Variants in UMAD1 observed in about 807,000 individuals in gnomAD.
UMAD1 encodes UBAP1-MVB12-associated (UMA)-domain containing protein 1.
In UMAD1, 8 loss-of-function variants were observed where a neutral mutation model predicts 6.1. That is an observed-to-expected ratio of 1.30 (90% CI 0.76 to 2.35). The LOEUF is 2.35. Ranked by LOEUF, UMAD1 falls within the 30% of genes most tolerant of loss-of-function variation. The pLI, the probability that UMAD1 is intolerant of heterozygous loss-of-function variation, is 0.00. For synonymous variants in UMAD1, 56 were observed against 31.4 expected, an observed-to-expected ratio of 1.78 and a Z score of -2.61; for missense variants, 130 against 78.4, an observed-to-expected ratio of 1.66 and a Z score of -2.49.
intron 2 of UMAD1, among the ~76,000 whole-genome samples, chr7:7,759,535 T>A (rs1435453904): frequency 6.6e-6 from 1 of 152,212 alleles, no homozygotes; most frequent in Non-Finnish European, 1.5e-5. Context: ...TGCCTTTCTC[T>A]CTTTTTTGCT....
intron 2 of UMAD1, among the ~76,000 whole-genome samples, chr7:7,762,915 G>T (rs556586966): frequency 6.6e-6 from 1 of 152,192 alleles, no homozygotes. Context: ...ATTTTAGCAG[G>T]TTTGATTGTT....
At chr7:7,717,074 T>TTTTTA (rs1780931849) in intron 2 of UMAD1, among the ~76,000 whole-genome samples, 1 of 151,000 alleles carries the variant, frequency 6.6e-6, no homozygotes, top group Admixed American at 6.6e-5. Flanking sequence ...TTTTTTTTTT[T>TTTTTA]GAGACGGAGT....
chr7:7,671,043 A>AAC (rs1255998720), intron 1 of UMAD1, among the ~76,000 whole-genome samples: 2 of 152,314 alleles, frequency 1.3e-5, no homozygotes, highest in African/African-American at 4.8e-5. Context: ...TTGGGGGCTG[A>AAC]ACAGTTTTCT....
intron 1 of UMAD1, among the ~76,000 whole-genome samples, chr7:7,667,512 T>C (rs1779495539): frequency 6.6e-6 from 1 of 152,162 alleles, no homozygotes; most frequent in African/African-American, 2.4e-5. Flanking sequence ...TGGGCAGAGG[T>C]TGCAGTTTTT....
intron 3 of UMAD1, among the ~76,000 whole-genome samples, chr7:7,835,767 TC>T (rs1783557809): frequency 2.0e-5 from 3 of 152,010 alleles, no homozygotes; most frequent in Admixed American, 6.6e-5. Flanking sequence ...ACATCAGTTA[TC>T]TTATTTTAGG....
chr7:7,840,655 C>A (rs1353458503), intron 3 of UMAD1, among the ~76,000 whole-genome samples: 1 of 152,032 alleles, frequency 6.6e-6, no homozygotes, highest in Non-Finnish European at 1.5e-5. Context: ...AATGGTAGCT[C>A]TTTTTATTTT....
chr7:7,772,103 A>T (rs916570651), intron 2 of UMAD1, among the ~76,000 whole-genome samples: 1 of 152,186 alleles, frequency 6.6e-6, no homozygotes, highest in African/African-American at 2.4e-5. Context: ...TGAGCATTGT[A>T]AATTAACTGG....
At chr7:7,872,800 A>T (rs1784355135) in intron 3 of UMAD1, among the ~76,000 whole-genome samples, 1 of 152,250 alleles carries the variant, frequency 6.6e-6, no homozygotes. Context: ...TGATTTCGCT[A>T]ATGAAACTCT....
intron 2 of UMAD1, among the ~76,000 whole-genome samples, chr7:7,713,886 A>G (rs902766872): frequency 6.6e-6 from 1 of 152,150 alleles, no homozygotes; most frequent in Non-Finnish European, 1.5e-5. Flanking sequence ...GCTGGAGTGC[A>G]GTGGTGTGAC....
At position 7,877,507 on chromosome 7, in the gene UMAD1, C is replaced by G; in HGVS notation, c.383C>G (p.Thr128Ser). ...ENLSRFWYDF[T>S]LENSVLCDS is the part of the protein sequence containing the mutation. The stretch of plus-strand genomic sequence containing the variant: ...TTATCACGGTTTTGGTATGATTTCA[C>G]TCTTGAAAATTCAGTGCTCTGTGAT... Residue 128 changes from threonine (T) to serine (S), a missense_variant, in exon 4 of 4, where the codon ACT becomes AGT. Coordinates refer to ENST00000682710, the MANE Select transcript of UMAD1 (RefSeq NM_001302348.2). 1.4e-6 allele frequency: 1 copy of G among 717,530 alleles called. No homozygotes were observed. The highest frequency in any genetic ancestry group is 1.7e-5 in the African/African-American group (1 of 57,402). 44.4% of individuals were successfully genotyped at this position (717,530 alleles called of 1,614,324 possible).
intron 2 of UMAD1, among the ~76,000 whole-genome samples, chr7:7,703,093 C>G (rs940454819): frequency 1.3e-5 from 2 of 152,110 alleles, no homozygotes; most frequent in African/African-American, 4.8e-5. Context: ...AACTTCCTTG[C>G]CAAACCTTCA....
rs201725106 is a variant in UMAD1 at position 7,827,149 on chromosome 7, G to A, written c.156+25406G>A. Reference sequence around the variant, plus strand: ...TATATATATATATATATATATATATGTGTGTGTGTGTGTGTGTGTGTGTGT... The same window carrying A: ...TATATATATATATATATATATATATATGTGTGTGTGTGTGTGTGTGTGTGT... On this transcript the variant is annotated intron_variant, in intron 3 of 3. Transcript: ENST00000682710. 1.9e-3 allele frequency among the ~76,000 whole-genome samples: 260 copies of A among 138,548 alleles called. 2 individuals are homozygous for A. Among genetic ancestry groups the A allele is most frequent in the Admixed American group, 4.7e-3 (66 of 13,968 alleles). 90.9% of individuals were successfully genotyped at this position (138,548 alleles called of 152,430 possible). A position where few individuals can be genotyped will look rare whatever the true frequency, so the allele number is the denominator to read the frequency against.
intron 2 of UMAD1, among the ~76,000 whole-genome samples, chr7:7,735,387 C>T (rs1781334151): frequency 6.6e-6 from 1 of 151,480 alleles, no homozygotes; most frequent in African/African-American, 2.4e-5. Context: ...CTTGGAAAAC[C>T]ACTGGGGTAA....
chr7:7,754,101 C>T (rs1781730152), intron 2 of UMAD1, among the ~76,000 whole-genome samples: 1 of 152,080 alleles, frequency 6.6e-6, no homozygotes, highest in Non-Finnish European at 1.5e-5. Context: ...AGGAGAATCG[C>T]TTGAACCTGG....
intron 2 of UMAD1, among the ~76,000 whole-genome samples, chr7:7,723,632 A>G (rs1267788125): frequency 1.3e-5 from 2 of 152,208 alleles, no homozygotes; most frequent in African/African-American, 4.8e-5. Context: ...GTATCTTTCA[A>G]GAGCCCGATA....
intron 2 of UMAD1, among the ~76,000 whole-genome samples, chr7:7,751,887 C>A (rs192897006): frequency 6.6e-6 from 1 of 152,174 alleles, no homozygotes; most frequent in Non-Finnish European, 1.5e-5. Context: ...TCTACTCTGA[C>A]GGTCCTTCTA....
chr7:7,715,061 A>T (rs1258291059), intron 2 of UMAD1: 1 of 151,984 alleles, frequency 6.6e-6, no homozygotes, highest in Non-Finnish European at 1.5e-5. Flanking sequence ...CAAATCTTAG[A>T]ACTTAAAAAA....
intron 3 of UMAD1, chr7:7,868,519 A>G (rs1009246111): frequency 6.6e-5 from 10 of 152,138 alleles, no homozygotes; most frequent in African/African-American, 2.4e-4. Flanking sequence ...TTGGAGAACC[A>G]CGGAGCACAA....
Position 7,776,152 on chromosome 7 carries a change from A to AAAAAC in UMAD1, c.83-25505_83-25501dup, listed in dbSNP as rs201564031. ...ATTATCCCTCAATAAACCTGACTTA[A>AAAAAC]AAAACAAAACAAAACAAGACATATG... On this transcript the variant is annotated intron_variant, in intron 2 of 3. Transcript: ENST00000682710. Among the ~76,000 whole-genome samples the AAAAAC allele has an allele frequency of 8.6e-3, 1,311 of 152,302 alleles. 22 individuals are homozygous for AAAAAC. Among genetic ancestry groups the AAAAAC allele is most frequent in the African/African-American group, 0.03 (1,254 of 41,546 alleles).
Sources: allele counts gnomAD v4.1 joint callset (sites outside exome capture counted in the v4.1 genomes callset), GRCh38; gene constraint gnomAD v4.1.1; transcripts MANE v1.5; gene names NCBI Gene and HGNC (gene_info 2026-07-23, HGNC 2026-07-21).